The following NIPA1 variants were observed in gnomAD, a reference collection of about 807,000 sequenced individuals.
NIPA1 encodes NIPA magnesium transporter 1.
In NIPA1, 13 loss-of-function variants were observed where a neutral mutation model predicts 23.9. The ratio of observed to expected loss-of-function variants is 0.54; its 90% CI spans 0.35 to 0.87. The LOEUF (loss-of-function observed/expected upper bound fraction) is 0.87, where lower values mean the gene tolerates loss of function less well. Among genes scored for constraint, NIPA1 ranks in the 40% least tolerant of loss-of-function variants. The probability of loss-of-function intolerance (pLI) is 0.01; values close to 1 mark genes in which losing one functional copy is unlikely to be tolerated. For missense variants in NIPA1, 362 were observed against 429.7 expected (o/e 0.84, Z 1.39); for synonymous variants, 234 against 202.9 (o/e 1.15, Z -1.30).
intron 2 of NIPA1, among the ~76,000 whole-genome samples, chr15:22,811,877 A>C (rs1895324075): frequency 6.6e-6 from 1 of 152,194 alleles, no homozygotes; most frequent in Non-Finnish European, 1.5e-5. Flanking sequence ...GGATGTGTTA[A>C]GAGAGCGGAG....
chr15:22,800,039 G>A (rs1488829296), intron 1 of NIPA1, among the ~76,000 whole-genome samples: 1 of 151,622 alleles, frequency 6.6e-6, no homozygotes, highest in Non-Finnish European at 1.5e-5. Flanking sequence ...ACTGGGGTGA[G>A]GGTTGAAAAA....
intron 4 of NIPA1, among the ~76,000 whole-genome samples, chr15:22,821,707 C>T (rs571184564): frequency 6.6e-6 from 1 of 152,008 alleles, no homozygotes; most frequent in Admixed American, 6.6e-5. Context: ...TGCATGTCCA[C>T]ACTCACTGGT....
At chr15:22,793,843 T>C (rs953743375) in intron 1 of NIPA1, among the ~76,000 whole-genome samples, 10 of 152,166 alleles carry the variant, frequency 6.6e-5, no homozygotes, top group Admixed American at 2.6e-4. Flanking sequence ...CCCCAGTGTA[T>C]GTTCTTGCTG....
In NIPA1 at chr15:22,827,030, T is replaced by C. The variant is rs954184008; in HGVS notation, c.*2791T>C. 2.6e-5 allele frequency: 4 copies of C among 152,082 alleles called. No individual in the cohort carries two copies. The highest frequency in any genetic ancestry group is 9.7e-5 in the African/African-American group (4 of 41,392). 9.4% of individuals were successfully genotyped at this position (152,082 alleles called of 1,614,324 possible). A position where few individuals can be genotyped will look rare whatever the true frequency, so the allele number is the denominator to read the frequency against. ...AAAGTGAGAACTTTGGGGGAGGGCC[T>C]AGAACATGGATAGATCTCTTAGTGG... On this transcript the variant is annotated 3_prime_UTR_variant, in exon 5 of 5. Transcript: ENST00000337435.
rs1895678275 is a variant in NIPA1, at chr15:22,827,651, G to T, written c.*3412G>T. On this transcript the variant is annotated 3_prime_UTR_variant, in exon 5 of 5. Transcript: ENST00000337435. Reference sequence around the variant, plus strand: ...AAGTTCATCCCAGCGGTAATATGTTGGTGTTTGTTCTTCTTTGGATTTCAC... The same window carrying T: ...AAGTTCATCCCAGCGGTAATATGTTTGTGTTTGTTCTTCTTTGGATTTCAC... The T allele has an allele frequency of 6.6e-6, 1 of 152,154 alleles. No individual in the cohort carries two copies. 9.4% of individuals were successfully genotyped at this position (152,154 alleles called of 1,614,324 possible).
At chr15:22,788,450 G>A (rs954803551) in intron 1 of NIPA1, among the ~76,000 whole-genome samples, 36 of 142,446 alleles carry the variant, frequency 2.5e-4, no homozygotes, top group African/African-American at 9.0e-4. Context: ...GCAGTGAGCC[G>A]GGATCCGCCA....
intron 1 of NIPA1, among the ~76,000 whole-genome samples, chr15:22,787,975 A>T (rs556526034): frequency 6.6e-6 from 1 of 152,198 alleles, no homozygotes; most frequent in Non-Finnish European, 1.5e-5. Flanking sequence ...GAATTAAATA[A>T]AACCAAGTAT....
At chr15:22,816,827 A>T (rs1259579318) in intron 3 of NIPA1, among the ~76,000 whole-genome samples, 3 of 151,870 alleles carry the variant, frequency 2.0e-5, no homozygotes, top group Non-Finnish European at 4.4e-5. Context: ...CTAAAGAATC[A>T]CTAAGAAATT....
intron 1 of NIPA1, among the ~76,000 whole-genome samples, chr15:22,809,932 A>G (rs1227999926): frequency 2.0e-5 from 3 of 152,128 alleles, no homozygotes; most frequent in Admixed American, 1.3e-4. Flanking sequence ...AATCCCAGCT[A>G]CTAGGGAGGG....
intron 1 of NIPA1, among the ~76,000 whole-genome samples, chr15:22,797,732 A>T (rs748469585): frequency 2.1e-5 from 3 of 142,834 alleles, no homozygotes; most frequent in Middle Eastern, 5.1e-3. Flanking sequence ...TGAACTCCTG[A>T]CCTCACGTGA....
intron 3 of NIPA1, among the ~76,000 whole-genome samples, chr15:22,814,472 A>G (rs1895377669): frequency 6.6e-6 from 1 of 152,072 alleles, no homozygotes; most frequent in Non-Finnish European, 1.5e-5. Context: ...GAGTGCTGGG[A>G]TTACAGGCCT....
chr15:22,794,343 G>A (rs1385968217), intron 1 of NIPA1, among the ~76,000 whole-genome samples: 1 of 112,970 alleles, frequency 8.9e-6, no homozygotes, highest in Non-Finnish European at 1.7e-5. Context: ...GGTTCCAGGG[G>A]TGGGGGGAGG....
At position 22,826,666 on chromosome 15, in the gene NIPA1, G is replaced by C. The variant is rs992682027; in HGVS notation, c.*2427G>C. On this transcript the variant is annotated 3_prime_UTR_variant, in exon 5 of 5. Transcript: ENST00000337435. The stretch of plus-strand genomic sequence containing the variant: ...TTGATACTGAGAGGTGATACCCGAT[G>C]ATCTTCTCTATAATATTCTTAGAGT... 4.6e-5 allele frequency: 7 copies of C among 152,114 alleles called. No individual in the cohort carries two copies. Among genetic ancestry groups the C allele is most frequent in the African/African-American group, 1.7e-4 (7 of 41,416 alleles). 9.4% of individuals were successfully genotyped at this position (152,114 alleles called of 1,614,324 possible).
chr15:22,820,459 A>G lies in NIPA1; in HGVS notation c.464A>G (p.Lys155Arg), dbSNP rs1895514039. Residue 155 changes from lysine to arginine, a missense_variant, in exon 4 of 5, where the codon AAG becomes AGG. Lys to Arg is a conservative substitution (Grantham distance 26). Around this residue, in one of 2 missense-constraint regions of NIPA1, gnomAD observed 277 missense variants for 372.0 expected, o/e 0.74. Transcript: ENST00000337435. ...ACAACTCAGGCTGAGCTGGAGGAAA[A>G]GCTGACCAATCCAGGTAATTCCTTT... ...SVTTQAELEE[K>R]LTNPVFVGYL... The G allele has an allele frequency of 6.2e-7, 1 of 1,613,510 alleles. No homozygotes were observed. The highest frequency in any genetic ancestry group is 1.3e-5 in the African/African-American group (1 of 74,910).
At chr15:22,813,720 G>A (rs1318084660) in intron 3 of NIPA1, 25 of 452,646 alleles carry the variant, frequency 5.5e-5, no homozygotes, top group Non-Finnish European at 3.5e-5. Flanking sequence ...TTAAGGTTCT[G>A]TGACCTAAAT....
At chr15:22,797,355 G>A (rs1020901885) in intron 1 of NIPA1, among the ~76,000 whole-genome samples, 11 of 148,292 alleles carry the variant, frequency 7.4e-5, no homozygotes, top group Non-Finnish European at 1.2e-4. Context: ...GACTACAGGC[G>A]CCCGCCATCA....
chr15:22,807,807 G>GTGT (rs1895241188), intron 1 of NIPA1, among the ~76,000 whole-genome samples: 1 of 94,376 alleles, frequency 1.1e-5, no homozygotes. Context: ...TGTGTGTGAT[G>GTGT]GAGTCTCTCT....
At chr15:22,813,674 G>A (rs1991922) in intron 3 of NIPA1, 420,861 of 455,884 alleles carry the variant, frequency 0.92, 194,548 homozygotes, top group East Asian at 1. Context: ...TCCATGATGG[G>A]TGTATTGAAG....
Position 22,808,679 on chromosome 15 carries a change from C to CTTTTTTTTTTTTTTTTT in NIPA1, c.179-2062_179-2061insTTTTTTTTTTTTTTTTT, listed in dbSNP as rs59983551. 4.1e-4 allele frequency among the ~76,000 whole-genome samples: 53 copies of CTTTTTTTTTTTTTTTTT among 128,314 alleles called. 2 individuals are homozygous for CTTTTTTTTTTTTTTTTT. The highest frequency in any genetic ancestry group is 7.6e-4 in the South Asian group (3 of 3,924). The allele number at this position is 128,314 out of a possible 152,430, so 84.2% of individuals were successfully genotyped here. ...TGTGATGTGATCAAATAGCAATATT[C>CTTTTTTTTTTTTTTTTT]TTTTTTTTGAGACAGTGTCTCACTC... On this transcript the variant is annotated intron_variant, in intron 1 of 4. Transcript: ENST00000337435.
Sources: gnomAD v4.1 joint callset for allele counts (sites outside exome capture counted in the v4.1 genomes callset) on GRCh38, gnomAD v4.1.1 for gene constraint, gnomAD v4.1.1 regional missense constraint, MANE v1.5 for transcripts, NCBI Gene and HGNC (gene_info 2026-07-23, HGNC 2026-07-21) for gene names.